Variants in PUDP observed in about 807,000 individuals in gnomAD.
The protein encoded by PUDP is pseudouridine 5'-phosphatase.
In PUDP, 8 loss-of-function variants were observed where a neutral mutation model predicts 9.4. The observed-to-expected ratio is 0.85, with a 90% CI of 0.50 to 1.53. The LOEUF (loss-of-function observed/expected upper bound fraction) is 1.53. Among genes scored for constraint, PUDP ranks in the 40% most tolerant of loss-of-function variants. The pLI, the probability that PUDP is intolerant of heterozygous loss-of-function variation, is 0.00. For missense variants in PUDP, 188 were observed against 189.7 expected, an observed-to-expected ratio of 0.99 and a Z score of 0.05; for synonymous variants, 99 against 80.7, an observed-to-expected ratio of 1.23 and a Z score of -1.22.
intron 3 of PUDP, among the ~76,000 whole-genome samples, chrX:6,862,697 C>A (rs1353199764): frequency 8.9e-6 from 1 of 111,774 alleles, no homozygotes; most frequent in Non-Finnish European, 1.9e-5. Flanking sequence ...GAAGCACAGC[C>A]ATTACTATAT....
intron 1 of PUDP, among the ~76,000 whole-genome samples, chrX:7,017,751 C>T (rs1226694808): frequency 3.6e-5 from 4 of 111,862 alleles, no homozygotes; most frequent in Admixed American, 9.5e-5. Context: ...GTAACATGAG[C>T]ACATGTGGAA....
chrX:7,024,671 C>T (rs542800003), intron 1 of PUDP, among the ~76,000 whole-genome samples: 1 of 106,194 alleles, frequency 9.4e-6, no homozygotes, highest in African/African-American at 3.4e-5. Context: ...ACTGCAAGGT[C>T]CGCCTTCCGG....
At chrX:6,759,776 C>T (rs185734964) in intron 3 of PUDP, among the ~76,000 whole-genome samples, 4 of 111,980 alleles carry the variant, frequency 3.6e-5, no homozygotes, top group Non-Finnish European at 7.5e-5. Flanking sequence ...GCAACATACT[C>T]TCATGAATTC....
At chrX:7,139,929 G>C (rs1394574315) in intron 1 of PUDP, among the ~76,000 whole-genome samples, 2 of 111,683 alleles carry the variant, frequency 1.8e-5, no homozygotes, top group African/African-American at 3.3e-5. Flanking sequence ...AGCTGCACCA[G>C]GGTCCTTAGC....
chrX:6,836,553 A>G (rs964690125), intron 3 of PUDP, among the ~76,000 whole-genome samples: 1 of 112,403 alleles, frequency 8.9e-6, no homozygotes, highest in Non-Finnish European at 1.9e-5. Context: ...AACTGCAAGG[A>G]ATAAATTCTG....
chrX:6,761,049 T>G (rs1321803602), intron 3 of PUDP, among the ~76,000 whole-genome samples: 1 of 106,845 alleles, frequency 9.4e-6, no homozygotes, highest in Non-Finnish European at 2.0e-5. Flanking sequence ...TTTGTTTGTT[T>G]TTTCCAGGAC....
At chrX:6,816,651 T>C (rs1050157272) in intron 3 of PUDP, among the ~76,000 whole-genome samples, 2 of 100,644 alleles carry the variant, frequency 2.0e-5, no homozygotes, top group Non-Finnish European at 3.9e-5. Context: ...AGACATACTA[T>C]ATTTGTATAG....
At chrX:6,716,730 C>T (rs1004777701) in intron 1 of PUDP, among the ~76,000 whole-genome samples, 10 of 110,296 alleles carry the variant, frequency 9.1e-5, no homozygotes, top group African/African-American at 3.3e-4. Context: ...ACTCCTGGGT[C>T]CAAGTGACCC....
At chrX:6,853,022 C>G (rs927941461) in intron 3 of PUDP, among the ~76,000 whole-genome samples, 2 of 112,041 alleles carry the variant, frequency 1.8e-5, no homozygotes, top group Non-Finnish European at 3.8e-5. Flanking sequence ...GTAGCTCCAC[C>G]ACTTCCTACT....
chrX:6,728,084 A>G (rs757528060), intron 3 of PUDP, among the ~76,000 whole-genome samples: 10 of 111,619 alleles, frequency 9.0e-5, no homozygotes, highest in Non-Finnish European at 1.5e-4. Context: ...CCTCACAATC[A>G]TGGCAGAAGG....
intron 1 of PUDP, among the ~76,000 whole-genome samples, chrX:6,709,328 A>T (rs1313327565): frequency 1.8e-5 from 2 of 111,329 alleles, no homozygotes; most frequent in South Asian, 3.8e-4. Flanking sequence ...TTAATTCATG[A>T]TTCTCTTGAT....
At chrX:6,822,792 T>G (rs1926367332) in intron 3 of PUDP, among the ~76,000 whole-genome samples, 1 of 109,226 alleles carries the variant, frequency 9.2e-6, no homozygotes, top group East Asian at 2.9e-4. Context: ...TACAGATTAT[T>G]TCATCACGCC....
chrX:6,766,591 A>G (rs1381507943), intron 3 of PUDP, among the ~76,000 whole-genome samples: 1 of 112,013 alleles, frequency 8.9e-6, no homozygotes. Context: ...GACATAAACT[A>G]AAACACTATA....
intron 1 of PUDP, among the ~76,000 whole-genome samples, chrX:6,707,748 C>G (rs763289172): frequency 1.3e-4 from 14 of 111,943 alleles, no homozygotes; most frequent in African/African-American, 4.5e-4. Context: ...CTGTGCAGCC[C>G]GGTTCCTAAC....
At chrX:7,053,858 C>T (rs1277892561) in intron 3 of PUDP, among the ~76,000 whole-genome samples, 1 of 111,810 alleles carries the variant, frequency 8.9e-6, no homozygotes, top group Non-Finnish European at 1.9e-5. Context: ...GTGTCTGCGG[C>T]ACTGACAGCA....
chrX:7,013,702 T>G (rs1265165109), intron 1 of PUDP, among the ~76,000 whole-genome samples: 1 of 112,111 alleles, frequency 8.9e-6, no homozygotes, highest in Non-Finnish European at 1.9e-5. Context: ...TGATGGGAGA[T>G]GGAGCACACA....
chrX:7,004,946 T>G (rs1158127789), intron 1 of PUDP, among the ~76,000 whole-genome samples: 2 of 112,414 alleles, frequency 1.8e-5, no homozygotes, highest in Non-Finnish European at 3.7e-5. Flanking sequence ...ACAATTCCAG[T>G]ATCTTCCCTA....
chrX:6,951,259 ATCT>A (rs1321540261), intron 3 of PUDP, among the ~76,000 whole-genome samples: 1 of 108,971 alleles, frequency 9.2e-6, no homozygotes, highest in Admixed American at 9.8e-5. Context: ...CTATCTATCT[ATCT>A]ATCTATCTAT....
chrX:6,860,351 G>A (rs766436781), intron 3 of PUDP, among the ~76,000 whole-genome samples: 6 of 110,225 alleles, frequency 5.4e-5, no homozygotes, highest in Non-Finnish European at 1.1e-4. Flanking sequence ...TGTTTCCCAG[G>A]GTCATCTAAA....
Sources: gnomAD v4.1 joint callset for allele counts (sites outside exome capture counted in the v4.1 genomes callset) on GRCh38, gnomAD v4.1.1 for gene constraint, MANE v1.5 for transcripts, NCBI Gene and HGNC (gene_info 2026-07-23, HGNC 2026-07-21) for gene names.